The following RRP8 variants were observed in gnomAD, a reference collection of about 807,000 sequenced individuals.
RRP8 encodes ribosomal RNA processing 8, also known as ribosomal RNA-processing protein 8.
RRP8 carries 48 observed loss-of-function variants against 45.0 expected under a neutral mutation model. That is an observed-to-expected ratio of 1.07 (90% confidence interval 0.85 to 1.36). RRP8 has a LOEUF of 1.36. Among genes scored for constraint, RRP8 ranks in the 40% most tolerant of loss-of-function variants. The probability of loss-of-function intolerance (pLI) is 0.00; values close to 1 mark genes in which losing one functional copy is unlikely to be tolerated. For missense variants in RRP8, 658 were observed against 573.7 expected (o/e 1.15, Z -1.50); for synonymous variants, 274 against 212.4 (o/e 1.29, Z -2.52).
chr11:6,602,132 T>TA lies in RRP8; in HGVS notation c.182dup (p.Ser62LysfsTer2), dbSNP rs750326243. ...CCTCCTCCTCCTCCTCAGAGTCACT[T>TA]ATACATAGGCTGGGGGGATGCTGGG... On this transcript the variant is annotated frameshift_variant, in exon 2 of 7. Transcript: ENST00000254605. LOFTEE classifies it high-confidence loss of function. 6.2e-7 allele frequency: 1 copy of TA among 1,610,834 alleles called. No homozygotes were observed.
chr11:6,599,618 G>A lies in RRP8; in HGVS notation c.*528C>T. On this transcript the variant is annotated 3_prime_UTR_variant, in exon 7 of 7. Coordinates refer to ENST00000254605, the MANE Select transcript of RRP8 (RefSeq NM_015324.4). The stretch of plus-strand genomic sequence containing the variant: ...ACAACCAAACAGTCTCAAGTTGGTG[G>A]CTCAGACTGATGTCTTGAGCCAAGA... 6.6e-6 allele frequency: 1 copy of A among 152,412 alleles called. No homozygotes were observed. The highest frequency in any genetic ancestry group is 1.5e-5 in the Non-Finnish European group (1 of 68,068). The allele number at this position is 152,412 out of a possible 1,614,324, so 9.4% of individuals were successfully genotyped here.
In RRP8 at chr11:6,599,964, T is replaced by G; in HGVS notation, c.*182A>C. ...TTATTGTTTAGCTAGCCCCAGTGAC[T>G]TTATGCATCTTATAACCAAGAAGCC... On this transcript the variant is annotated 3_prime_UTR_variant, in exon 7 of 7. Transcript: ENST00000254605. 4.8e-6 allele frequency: 2 copies of G among 416,506 alleles called. No individual in the cohort carries two copies. The highest frequency in any genetic ancestry group is 8.5e-6 in the Non-Finnish European group (2 of 235,272). The allele number at this position is 416,506 out of a possible 1,614,324, so 25.8% of individuals were successfully genotyped here.
Position 6,602,222 on chromosome 11 carries a change from G to A in RRP8, c.100-7C>T, listed in dbSNP as rs200787386. On this transcript the variant is annotated splice_region_variant and splice_polypyrimidine_tract_variant and intron_variant, in intron 1 of 6. Transcript: ENST00000254605. ...GCTGGCGGCGCTTGGAGCCCTGGAG[G>A]AAAACAGGGGATGACAGTGGGCCTA... is the stretch of plus-strand genomic sequence containing the variant. 2.5e-4 allele frequency: 383 copies of A among 1,539,298 alleles called. No homozygotes were observed. The highest frequency in any genetic ancestry group is 3.1e-4 in the Non-Finnish European group (357 of 1,148,892).
chr11:6,602,544 T>C (rs1004024878), intron 1 of RRP8, among the ~76,000 whole-genome samples: 4 of 152,206 alleles, frequency 2.6e-5, no homozygotes, highest in African/African-American at 9.7e-5. Context: ...CTAGAGCTGA[T>C]ACATTTCTGT....
chr11:6,595,873 C>G lies in RRP8; in HGVS notation c.*4273G>C, dbSNP rs1854220788. On this transcript the variant is annotated 3_prime_UTR_variant, in exon 7 of 7. Coordinates refer to ENST00000254605, the MANE Select transcript of RRP8 (RefSeq NM_015324.4). ...ATGTAATCAAGTTTATTTTCTTGTT[C>G]AAAGTCCAATATGGATGTTTTTGGT... is the stretch of plus-strand genomic sequence containing the variant. 6.6e-6 allele frequency: 1 copy of G among 152,206 alleles called. No homozygotes were observed. Among genetic ancestry groups the G allele is most frequent in the African/African-American group, 2.4e-5 (1 of 41,450 alleles). The allele number at this position is 152,206 out of a possible 1,614,324, so 9.4% of individuals were successfully genotyped here. A position where few individuals can be genotyped will look rare whatever the true frequency, so the allele number is the denominator to read the frequency against.
At chr11:6,602,344 G>A (rs2073252383) in intron 1 of RRP8, 129 bp from the exon 2 acceptor site, 2 of 1,131,912 alleles carry the variant, frequency 1.8e-6, no homozygotes, top group African/African-American at 1.5e-5. Flanking sequence ...AAGCCTGCCA[G>A]AACCCAGAAG....
rs1360081431 is a variant in RRP8, at chr11:6,598,900, A to G, written c.*1246T>C. On this transcript the variant is annotated 3_prime_UTR_variant, in exon 7 of 7. Transcript: ENST00000254605. ...TTTTGGGGGAGGCCTAGAATCTATC[A>G]TTCAAACTCACCTTCCCTCAGCACC... The G allele has an allele frequency of 6.6e-6, 1 of 152,296 alleles. No individual in the cohort carries two copies. Among genetic ancestry groups the G allele is most frequent in the Non-Finnish European group, 1.5e-5 (1 of 68,102 alleles). The allele number at this position is 152,296 out of a possible 1,614,324, so 9.4% of individuals were successfully genotyped here. A position where few individuals can be genotyped will look rare whatever the true frequency, so the allele number is the denominator to read the frequency against.
At chr11:6,601,626 TGC>T (rs527524050) in intron 2 of RRP8, 24 bp from the exon 3 acceptor site, 37 of 1,578,684 alleles carry the variant, frequency 2.3e-5, no homozygotes, top group Admixed American at 1.9e-4. Context: ...GATGGGAAGG[TGC>T]ACATGAGGCA....
rs2134496423 is a variant in RRP8, at chr11:6,599,624, A to G, written c.*522T>C. The stretch of plus-strand genomic sequence containing the variant: ...AAACAGTCTCAAGTTGGTGGCTCAG[A>G]CTGATGTCTTGAGCCAAGATGTTGG... On this transcript the variant is annotated 3_prime_UTR_variant, in exon 7 of 7. Coordinates refer to ENST00000254605, the MANE Select transcript of RRP8 (RefSeq NM_015324.4). 1.3e-5 allele frequency: 2 copies of G among 152,392 alleles called. No individual in the cohort carries two copies. Among genetic ancestry groups the G allele is most frequent in the Middle Eastern group, 6.8e-3 (2 of 294 alleles). 9.4% of individuals were successfully genotyped at this position (152,392 alleles called of 1,614,324 possible).
rs916933005 is a variant in RRP8, at chr11:6,595,949, A to G, written c.*4197T>C. On this transcript the variant is annotated 3_prime_UTR_variant, in exon 7 of 7. Coordinates refer to ENST00000254605, the MANE Select transcript of RRP8 (RefSeq NM_015324.4). ...TAACTCAGGTATTCAGACTTCTTCTATGCTATGACTCCATCACCGTCAAAA... is the reference window on the plus strand; with the variant it reads ...TAACTCAGGTATTCAGACTTCTTCTGTGCTATGACTCCATCACCGTCAAAA... 2 of 152,126 alleles carry G rather than the reference A, an allele frequency of 1.3e-5. No homozygotes were observed. The highest frequency in any genetic ancestry group is 4.8e-5 in the African/African-American group (2 of 41,364). The allele number at this position is 152,126 out of a possible 1,614,324, so 9.4% of individuals were successfully genotyped here. A position where few individuals can be genotyped will look rare whatever the true frequency, so the allele number is the denominator to read the frequency against.
rs1854239491 is a variant in RRP8 at position 6,597,079 on chromosome 11, C to A, written c.*3067G>T. The A allele has an allele frequency of 6.6e-6, 1 of 152,206 alleles. No homozygotes were observed. The allele number at this position is 152,206 out of a possible 1,614,324, so 9.4% of individuals were successfully genotyped here. ...ATCTCAATTAATTAGAATGTCTAATCCTGTGTAACAATAATCTGCACCTGT... is the reference window on the plus strand; with the variant it reads ...ATCTCAATTAATTAGAATGTCTAATACTGTGTAACAATAATCTGCACCTGT... On this transcript the variant is annotated 3_prime_UTR_variant, in exon 7 of 7. Coordinates refer to ENST00000254605, the MANE Select transcript of RRP8 (RefSeq NM_015324.4).
chr11:6,600,027 C>T lies in RRP8; in HGVS notation c.*119G>A, dbSNP rs909948535. 6.3e-6 allele frequency: 4 copies of T among 630,130 alleles called. No homozygotes were observed. The highest frequency in any genetic ancestry group is 5.6e-5 in the African/African-American group (3 of 53,866). 39.0% of individuals were successfully genotyped at this position (630,130 alleles called of 1,614,324 possible). A position where few individuals can be genotyped will look rare whatever the true frequency, so the allele number is the denominator to read the frequency against. Reference sequence around the variant, plus strand: ...AGTCTGAGCCAGAGGTTTTATCACACTTTGTCCTCAGGGTCCACCAGGAAC... The same window carrying T: ...AGTCTGAGCCAGAGGTTTTATCACATTTTGTCCTCAGGGTCCACCAGGAAC... On this transcript the variant is annotated 3_prime_UTR_variant, in exon 7 of 7. Coordinates refer to ENST00000254605, the MANE Select transcript of RRP8 (RefSeq NM_015324.4).
Position 6,600,500 on chromosome 11 carries a change from T to C in RRP8, c.1237A>G (p.Lys413Glu), listed in dbSNP as rs1854317279. The C allele has an allele frequency of 1.2e-6, 2 of 1,613,604 alleles. No homozygotes were observed. Among genetic ancestry groups the C allele is most frequent in the South Asian group, 2.2e-5 (2 of 91,028 alleles). The part of the protein sequence containing the change: ...FLRAVTKLGF[K>E]IVSKDLTNSH... Reference sequence around the variant, plus strand: ...GGGGCCCTCACCTTGGAGACAATCTTGAAGCCTAGCTTGGTCACAGCCCGC... The same window carrying C: ...GGGGCCCTCACCTTGGAGACAATCTCGAAGCCTAGCTTGGTCACAGCCCGC... Residue 413 changes from lysine to glutamate, a missense_variant, in exon 6 of 7, where the codon AAG becomes GAG. By Grantham distance (56) the Lys-to-Glu change is moderately conservative. Transcript: ENST00000254605.
chr11:6,600,728 T>G lies in RRP8; in HGVS notation c.1095A>C (p.Ser365=). 1 of 1,613,794 alleles carries G rather than the reference T, an allele frequency of 6.2e-7. No individual in the cohort carries two copies. ...ESVDVAVFCL[S]LMGTNIRDFL... Reference sequence around the variant, plus strand: ...AGTCCCTGATGTTGGTTCCCATCAGTGAAAGGCAAAACACAGCCACATCCA... The same window carrying G: ...AGTCCCTGATGTTGGTTCCCATCAGGGAAAGGCAAAACACAGCCACATCCA... The change falls in exon 5 of 7, where the codon TCA becomes TCC. Residue 365 remains serine (S), a synonymous_variant. Coordinates refer to ENST00000254605, the MANE Select transcript of RRP8 (RefSeq NM_015324.4).
chr11:6,602,910 C>G (rs974075930), intron 1 of RRP8, among the ~76,000 whole-genome samples: 1 of 152,206 alleles, frequency 6.6e-6, no homozygotes, highest in Non-Finnish European at 1.5e-5. Context: ...TTCCCACACC[C>G]TCCTTTGAAC....
chr11:6,599,426 G>A lies in RRP8; in HGVS notation c.*720C>T, dbSNP rs192170289. The A allele has an allele frequency of 6.6e-6, 1 of 152,350 alleles. No homozygotes were observed. The highest frequency in any genetic ancestry group is 1.9e-4 in the East Asian group (1 of 5,188). The allele number at this position is 152,350 out of a possible 1,614,324, so 9.4% of individuals were successfully genotyped here. A position where few individuals can be genotyped will look rare whatever the true frequency, so the allele number is the denominator to read the frequency against. On this transcript the variant is annotated 3_prime_UTR_variant, in exon 7 of 7. Coordinates refer to ENST00000254605, the MANE Select transcript of RRP8 (RefSeq NM_015324.4). ...TAAGTGCCTCTGGGTAGCAGGCCAA[G>A]AATTAAATCCAGGTCTACCTGATTC...
rs35777343 is a variant in RRP8 at position 6,597,604 on chromosome 11, A to AAC, written c.*2541_*2542insGT. 9 of 149,586 alleles carry AAC rather than the reference A, an allele frequency of 6.0e-5. No individual in the cohort carries two copies. The highest frequency in any genetic ancestry group is 1.2e-4 in the African/African-American group (5 of 40,804). 9.3% of individuals were successfully genotyped at this position (149,586 alleles called of 1,614,324 possible). On this transcript the variant is annotated 3_prime_UTR_variant, in exon 7 of 7. Coordinates refer to ENST00000254605, the MANE Select transcript of RRP8 (RefSeq NM_015324.4). ...TCCCATAAAAAAAAAAAAAAAAAAA[A>AAC]CACTGGCTGGGCACAGTGGCTCATG...
chr11:6,602,000 G>C lies in RRP8; in HGVS notation c.315C>G (p.Asp105Glu), dbSNP rs765138753. Residue 105 changes from aspartate (D) to glutamate (E), a missense_variant, in exon 2 of 7, where the codon GAC (aspartate) becomes GAG (glutamate). Coordinates refer to ENST00000254605, the MANE Select transcript of RRP8 (RefSeq NM_015324.4). Reference sequence around the variant, plus strand: ...TCTTCCTTTCTACTTCTTCCTCAGAGTCACTGCAAGGTGGGCCCTGTTTTT... The same window carrying C: ...TCTTCCTTTCTACTTCTTCCTCAGACTCACTGCAAGGTGGGCCCTGTTTTT... The part of the protein sequence containing the change: ...KCQKQGPPCS[D>E]SEEEVERKKK... The C allele has an allele frequency of 6.2e-7, 1 of 1,614,100 alleles. No individual in the cohort carries two copies. Among genetic ancestry groups the C allele is most frequent in the East Asian group, 2.2e-5 (1 of 44,878 alleles).
chr11:6,600,371 T>A (rs1172428614), intron 6 of RRP8, 106 bp from the exon 7 acceptor site: 1 of 1,312,528 alleles, frequency 7.6e-7, no homozygotes, highest in African/African-American at 1.5e-5. Flanking sequence ...GGGCTCCCAC[T>A]TCCGTTGGGG....
Sources: gnomAD v4.1 joint callset for allele counts (sites outside exome capture counted in the v4.1 genomes callset) on GRCh38, gnomAD v4.1.1 for gene constraint, MANE v1.5 for transcripts, NCBI Gene and HGNC (gene_info 2026-07-23, HGNC 2026-07-21) for gene names.